TOGARAM1: variants seen among roughly 807,000 people sequenced by gnomAD.
The protein encoded by TOGARAM1 is TOG array regulator of axonemal microtubules protein 1.
TOGARAM1 carries 100 observed loss-of-function variants against 166.6 expected under a neutral mutation model. That is an observed-to-expected ratio of 0.60 (90% CI 0.51 to 0.71). TOGARAM1 has a LOEUF of 0.71. Among genes scored for constraint, TOGARAM1 ranks in the 30% least tolerant of loss-of-function variants. The pLI, the probability that TOGARAM1 is intolerant of heterozygous loss-of-function variation, is 0.00. For missense variants in TOGARAM1, 2,029 were observed against 2,102.7 expected (o/e 0.96, Z 0.69); for synonymous variants, 758 against 763.8 (o/e 0.99, Z 0.13).
intron 7 of TOGARAM1, among the ~76,000 whole-genome samples, chr14:45,015,162 G>A (rs1282810991): frequency 6.6e-6 from 1 of 151,946 alleles, no homozygotes; most frequent in African/African-American, 2.4e-5. Context: ...AAAAGTAGCG[G>A]AGAATGGTGG....
chr14:45,004,217 C>T lies in TOGARAM1; in HGVS notation c.2495C>T (p.Pro832Leu), dbSNP rs1378149574. ...SPRTSPKHTS[P>L]LIISPKKSQD... ...CGAACTAGTCCAAAGCATACATCTC[C>T]TCTTATTATATCTCCAAAGAAGTCT... The change falls in exon 4 of 20, where the codon CCT becomes CTT. Residue 832 changes from proline to leucine, a missense_variant. Coordinates refer to ENST00000361462, the MANE Select transcript of TOGARAM1 (RefSeq NM_001308120.2). 6.2e-7 allele frequency: 1 copy of T among 1,614,012 alleles called. No homozygotes were observed. The highest frequency in any genetic ancestry group is 2.2e-5 in the East Asian group (1 of 44,860).
intron 1 of TOGARAM1, chr14:44,995,394 A>G (rs1566617749): frequency 4.4e-6 from 2 of 449,562 alleles, no homozygotes; most frequent in Non-Finnish European, 4.5e-6. Flanking sequence ...CTTATTGTCT[A>G]GTACTCAAAC....
chr14:44,964,162 C>T lies in TOGARAM1; in HGVS notation c.1741C>T (p.Leu581Phe), dbSNP rs1566590741. The T allele has an allele frequency of 6.2e-7, 1 of 1,614,082 alleles. No individual in the cohort carries two copies. The highest frequency in any genetic ancestry group is 1.7e-5 in the Admixed American group (1 of 60,002). Reference protein sequence around the residue: ...ARLARKTLPRLTEQGFVEYAV... With the variant: ...ARLARKTLPRFTEQGFVEYAV... ...ATTGGCTAGGAAAACCTTACCAAGGCTCACAGAGCAGGGATTTGTGGAATA... is the reference window on the plus strand; with the variant it reads ...ATTGGCTAGGAAAACCTTACCAAGGTTCACAGAGCAGGGATTTGTGGAATA... Residue 581 changes from leucine to phenylalanine, a missense_variant, in exon 1 of 20, where the codon CTC (leucine) becomes TTC (phenylalanine). Transcript: ENST00000361462.
intron 11 of TOGARAM1, among the ~76,000 whole-genome samples, chr14:45,034,241 C>T (rs1566651162): frequency 6.6e-6 from 1 of 152,124 alleles, no homozygotes; most frequent in Non-Finnish European, 1.5e-5. Context: ...CTCTGAGAGA[C>T]AGGAAACAAA....
chr14:44,999,632 C>CT (rs3215584), intron 3 of TOGARAM1, 135 bp downstream of exon 3: 2 of 713,250 alleles, frequency 2.8e-6, no homozygotes, highest in Non-Finnish European at 4.1e-6. Context: ...TTTTTAATAA[C>CT]TTTTTTCATA....
At chr14:44,994,450 A>G (rs1454826230) in intron 1 of TOGARAM1, among the ~76,000 whole-genome samples, 1 of 152,060 alleles carries the variant, frequency 6.6e-6, no homozygotes, top group Non-Finnish European at 1.5e-5. Flanking sequence ...ACAGGGTCTC[A>G]GTCAGTCACT....
chr14:45,025,375 C>A (rs192255382), intron 7 of TOGARAM1: 1 of 154,078 alleles, frequency 6.5e-6, no homozygotes, highest in African/African-American at 2.4e-5. Context: ...ATCAGCCTGA[C>A]CAAAATGGTG....
intron 11 of TOGARAM1, among the ~76,000 whole-genome samples, chr14:45,036,925 A>G (rs927333243): frequency 6.6e-6 from 1 of 152,178 alleles, no homozygotes; most frequent in Admixed American, 6.6e-5. Flanking sequence ...TCATGGCGGG[A>G]GACAAAAGGC....
intron 16 of TOGARAM1, among the ~76,000 whole-genome samples, chr14:45,059,146 C>T (rs1230193209): frequency 6.6e-6 from 1 of 151,944 alleles, no homozygotes; most frequent in Admixed American, 6.6e-5. Flanking sequence ...GGTGTGATCA[C>T]ATCTCACCAC....
chr14:45,062,355 G>A (rs1882935379), intron 16 of TOGARAM1, among the ~76,000 whole-genome samples: 1 of 152,050 alleles, frequency 6.6e-6, no homozygotes, highest in Admixed American at 6.6e-5. Flanking sequence ...TGGTCCTTTT[G>A]TCATTATTAA....
Position 45,004,089 on chromosome 14 carries a change from GAC to G in TOGARAM1, c.2371_2372del (p.Gln791AlafsTer5), listed in dbSNP as rs770627533. The stretch of plus-strand genomic sequence containing the variant: ...ATGCTAGCCTCAATTTTGGCAGTAA[GAC>G]ACAGCAAACATTTGGTAGTCAAACA... The part of the protein sequence containing the change: ...VYASLNFGSK[T>X]QQTFGSQTEC... On this transcript the variant is annotated frameshift_variant, in exon 4 of 20. Transcript: ENST00000361462. LOFTEE classifies it high-confidence loss of function. 1 of 1,613,952 alleles carries G rather than the reference GAC, an allele frequency of 6.2e-7. No individual in the cohort carries two copies.
At chr14:45,017,423 A>ACACACAC (rs1169550738) in intron 7 of TOGARAM1, among the ~76,000 whole-genome samples, 15 of 151,692 alleles carry the variant, frequency 9.9e-5, no homozygotes, top group African/African-American at 3.6e-4. Context: ...ACACACACAC[A>ACACACAC]CACACACACA....
At chr14:45,011,934 T>C in intron 6 of TOGARAM1, 41 bp from the exon 7 acceptor site, 1 of 1,430,712 alleles carries the variant, frequency 7.0e-7, no homozygotes, top group Non-Finnish European at 9.7e-7. Flanking sequence ...TGAACAGCAC[T>C]AAATCTTAAT....
In TOGARAM1 at chr14:44,964,341, C is replaced by T; in HGVS notation, c.1920C>T (p.Tyr640=). Residue 640 remains tyrosine (Y), a synonymous_variant, in exon 1 of 20, where the codon TAC becomes TAT. Coordinates refer to ENST00000361462, the MANE Select transcript of TOGARAM1 (RefSeq NM_001308120.2). ...VRDSMHIYGS[Y]SPTICTRRVL... ...ATAGCATGCACATTTATGGATCTTA[C>T]AGCCCAACTATCTGTACCCGAAGGG... 1.2e-6 allele frequency: 2 copies of T among 1,614,144 alleles called. No homozygotes were observed. Among genetic ancestry groups the T allele is most frequent in the Non-Finnish European group, 8.5e-7 (1 of 1,180,034 alleles).
intron 7 of TOGARAM1, among the ~76,000 whole-genome samples, chr14:45,024,020 C>T (rs1354700414): frequency 3.3e-5 from 5 of 152,194 alleles, no homozygotes; most frequent in Admixed American, 6.5e-5. Flanking sequence ...GGATTACAGG[C>T]GTGAGCCACC....
chr14:45,041,607 T>C (rs1881731494), intron 11 of TOGARAM1, among the ~76,000 whole-genome samples: 1 of 152,214 alleles, frequency 6.6e-6, no homozygotes, highest in Admixed American at 6.5e-5. Context: ...ATTCTTAATA[T>C]AGCACAAGAA....
chr14:45,039,107 C>A (rs1400592276), intron 11 of TOGARAM1, among the ~76,000 whole-genome samples: 1 of 151,858 alleles, frequency 6.6e-6, no homozygotes, highest in Non-Finnish European at 1.5e-5. Flanking sequence ...TCTCTGCAGC[C>A]CTCAGCGGAG....
Position 45,032,318 on chromosome 14 carries a change from T to C in TOGARAM1, c.3754T>C (p.Phe1252Leu). Residue 1252 changes from phenylalanine to leucine, a missense_variant, in exon 11 of 20, where the codon TTC (phenylalanine) becomes CTC (leucine). By Grantham distance (22) the Phe-to-Leu change is conservative. Transcript: ENST00000361462. ...EIMDLSELRP[F>L]SKPEIALTEA... is the part of the protein sequence containing the mutation. ...AATGGATCTGTCAGAACTACGACCA[T>C]TCTCTAAACCAGAAATAGCACTGAC... The C allele has an allele frequency of 6.2e-7, 1 of 1,614,134 alleles. No individual in the cohort carries two copies.
chr14:45,002,090 C>T (rs970791911), intron 3 of TOGARAM1, among the ~76,000 whole-genome samples: 5 of 152,078 alleles, frequency 3.3e-5, no homozygotes, highest in Non-Finnish European at 5.9e-5. Flanking sequence ...GAGAAGATTT[C>T]GTGTATTTAG....
Sources: gnomAD v4.1 joint callset for allele counts (sites outside exome capture counted in the v4.1 genomes callset) on GRCh38, gnomAD v4.1.1 for gene constraint, MANE v1.5 for transcripts, NCBI Gene and HGNC (gene_info 2026-07-23, HGNC 2026-07-21) for gene names.